Variants in THRB observed in about 807,000 individuals in gnomAD.
The protein encoded by THRB is nuclear receptor subfamily 1 group A member 2.
In THRB, 12 loss-of-function variants were observed where a neutral mutation model predicts 47.8. The ratio of observed to expected loss-of-function variants is 0.25; its 90% CI spans 0.16 to 0.41. The LOEUF is 0.41. THRB is among the 10% of genes least tolerant of loss of function. The probability of loss-of-function intolerance (pLI) is 1.00; values close to 1 mark genes in which losing one functional copy is unlikely to be tolerated. For synonymous variants in THRB, 218 were observed against 212.2 expected, an observed-to-expected ratio of 1.03 and a Z score of -0.24; for missense variants, 348 against 589.2, an observed-to-expected ratio of 0.59 and a Z score of 4.24.
intron 1 of THRB, among the ~76,000 whole-genome samples, chr3:24,475,511 A>C (rs1695314752): frequency 6.7e-6 from 1 of 149,374 alleles, no homozygotes; most frequent in African/African-American, 2.5e-5. Flanking sequence ...GTGTAATTTG[A>C]AAATCATATA....
At chr3:24,428,600 A>G (rs1024323584) in intron 1 of THRB, among the ~76,000 whole-genome samples, 6 of 152,072 alleles carry the variant, frequency 3.9e-5, no homozygotes, top group Admixed American at 2.0e-4. Context: ...TCAGGATAAC[A>G]TCAATAAAGC....
intron 1 of THRB, among the ~76,000 whole-genome samples, chr3:24,414,346 C>G (rs1364748846): frequency 2.0e-5 from 3 of 151,764 alleles, no homozygotes; most frequent in African/African-American, 7.3e-5. Flanking sequence ...GGCAGAAGCC[C>G]AAAGTTAATG....
intron 1 of THRB, among the ~76,000 whole-genome samples, chr3:24,477,325 A>T (rs907820440): frequency 2.6e-5 from 4 of 152,160 alleles, no homozygotes; most frequent in Admixed American, 2.6e-4. Flanking sequence ...TACTACATTA[A>T]TCCTTTTATA....
intron 3 of THRB, among the ~76,000 whole-genome samples, chr3:24,279,428 G>C (rs2054291156): frequency 6.6e-6 from 1 of 151,942 alleles, no homozygotes; most frequent in Non-Finnish European, 1.5e-5. Flanking sequence ...CTGTCGCCCA[G>C]GCTGGAGGTG....
chr3:24,448,638 A>G (rs4563353), intron 1 of THRB, among the ~76,000 whole-genome samples: 132,140 of 152,168 alleles, frequency 0.87, 57,828 homozygotes, highest in Middle Eastern at 0.94. Flanking sequence ...AACACAACCC[A>G]TTAAGTACCT....
chr3:24,275,133 TG>T (rs2053774578), intron 3 of THRB, among the ~76,000 whole-genome samples: 2 of 152,286 alleles, frequency 1.3e-5, no homozygotes, highest in Admixed American at 6.5e-5. Context: ...AATATTTGTT[TG>T]GAAAAAATAT....
rs984620803 is a variant in THRB, at chr3:24,245,511, G to C, written c.-42-16510C>G. On this transcript the variant is annotated intron_variant, in intron 3 of 10. Coordinates refer to ENST00000646209, the MANE Select transcript of THRB (RefSeq NM_001354712.2). ...GAGGGCCATTAGTGTGTGTGAAAGG[G>C]AAAGAATAACAAAAAAACCCAACTT... Among the ~76,000 whole-genome samples, 4 of 152,230 alleles carry C rather than the reference G, an allele frequency of 2.6e-5. No individual in the cohort carries two copies. The East Asian group carries it at 7.7e-4, about 29-fold the overall frequency.
chr3:24,378,028 A>T (rs1158678009), intron 1 of THRB, among the ~76,000 whole-genome samples: 1 of 152,122 alleles, frequency 6.6e-6, no homozygotes, highest in African/African-American at 2.4e-5. Context: ...TCTTTGACCA[A>T]TTTTTCTCCT....
intron 4 of THRB, among the ~76,000 whole-genome samples, chr3:24,227,705 AC>A (rs1171191162): frequency 5.9e-5 from 9 of 152,190 alleles, no homozygotes; most frequent in African/African-American, 2.2e-4. Flanking sequence ...TCTCAGGTCT[AC>A]TGGAGAATAA....
chr3:24,224,964 T>A (rs2047509554), intron 4 of THRB, among the ~76,000 whole-genome samples: 1 of 152,218 alleles, frequency 6.6e-6, no homozygotes, highest in African/African-American at 2.4e-5. Context: ...CCCTATGCTG[T>A]TGATCATGGT....
At chr3:24,210,609 A>C (rs573577186) in intron 4 of THRB, among the ~76,000 whole-genome samples, 1 of 152,214 alleles carries the variant, frequency 6.6e-6, no homozygotes, top group South Asian at 2.1e-4. Flanking sequence ...AGACTGAGAA[A>C]CTGTGAGGTT....
chr3:24,256,576 C>G (rs904276666), intron 3 of THRB, among the ~76,000 whole-genome samples: 1 of 152,076 alleles, frequency 6.6e-6, no homozygotes. Context: ...ATAACTCATA[C>G]TGAAAGATCC....
chr3:24,490,660 T>C (rs1182877437), intron 1 of THRB, among the ~76,000 whole-genome samples: 1 of 152,138 alleles, frequency 6.6e-6, no homozygotes, highest in East Asian at 1.9e-4. Context: ...CAGGGGTGTT[T>C]ATGGCCATAG....
At chr3:24,217,862 C>T (rs567855374) in intron 4 of THRB, among the ~76,000 whole-genome samples, 4 of 152,252 alleles carry the variant, frequency 2.6e-5, no homozygotes, top group African/African-American at 7.2e-5. Context: ...TTTAAAGATG[C>T]TTATTTTATC....
chr3:24,374,628 G>T (rs1038255003), intron 1 of THRB, among the ~76,000 whole-genome samples: 1 of 151,990 alleles, frequency 6.6e-6, no homozygotes, highest in East Asian at 1.9e-4. Context: ...TGGAATCAAG[G>T]TTGGAAAACT....
At chr3:24,339,570 T>C (rs1421830256) in intron 1 of THRB, among the ~76,000 whole-genome samples, 1 of 152,188 alleles carries the variant, frequency 6.6e-6, no homozygotes, top group Admixed American at 6.5e-5. Context: ...ACACTGTCAC[T>C]GAGGTGGTTT....
chr3:24,134,909 G>T (rs1306761552), intron 8 of THRB, among the ~76,000 whole-genome samples: 1 of 152,188 alleles, frequency 6.6e-6, no homozygotes, highest in Admixed American at 6.5e-5. Flanking sequence ...GAGCAAAATA[G>T]AATTCCTCAC....
At chr3:24,315,831 A>T (rs2058078171) in intron 2 of THRB, among the ~76,000 whole-genome samples, 2 of 152,214 alleles carry the variant, frequency 1.3e-5, no homozygotes, top group Non-Finnish European at 2.9e-5. Flanking sequence ...TATAACTGGC[A>T]CAGAGAGCAG....
At chr3:24,214,953 C>T (rs557508639) in intron 4 of THRB, among the ~76,000 whole-genome samples, 1 of 152,322 alleles carries the variant, frequency 6.6e-6, no homozygotes, top group African/African-American at 2.4e-5. Flanking sequence ...ATTATCACCC[C>T]ATCAAATCAA....
Sources: allele counts gnomAD v4.1 joint callset (sites outside exome capture counted in the v4.1 genomes callset), GRCh38; gene constraint gnomAD v4.1.1; transcripts MANE v1.5; gene names NCBI Gene and HGNC (gene_info 2026-07-23, HGNC 2026-07-21).